DKK2: variants seen among roughly 807,000 people sequenced by gnomAD.
DKK2 encodes dickkopf Wnt signaling pathway inhibitor 2.
DKK2 carries 11 observed loss-of-function variants against 28.1 expected under a neutral mutation model. The observed-to-expected ratio is 0.39, with a 90% CI of 0.25 to 0.65. DKK2 has a LOEUF of 0.65. Ranked by LOEUF, DKK2 falls within the 30% of genes least tolerant of loss-of-function variation. The probability of loss-of-function intolerance (pLI) is 0.47; values close to 1 mark genes in which losing one functional copy is unlikely to be tolerated. For missense variants in DKK2, 326 were observed against 335.5 expected (o/e 0.97, Z 0.22); for synonymous variants, 135 against 126.5 (o/e 1.07, Z -0.45).
chr4:106,941,720 T>A (rs912866591), intron 1 of DKK2, among the ~76,000 whole-genome samples: 1 of 152,132 alleles, frequency 6.6e-6, no homozygotes, highest in African/African-American at 2.4e-5. Context: ...GGGTTAAGCA[T>A]CCTGCTAGAA....
intron 1 of DKK2, among the ~76,000 whole-genome samples, chr4:107,022,483 A>G (rs1723712240): frequency 6.6e-6 from 1 of 152,162 alleles, no homozygotes; most frequent in South Asian, 2.1e-4. Flanking sequence ...AGACTTAAGT[A>G]AGACTGCTTG....
In DKK2 at chr4:106,958,861, A is replaced by G. The variant is rs560429739; in HGVS notation, c.223-32912T>C. ...TCAAAAAAAAAAAAAAAAAAGAAAGAAAGAAAGAAAACATAAAAGAAAAAG... is the reference window on the plus strand; with the variant it reads ...TCAAAAAAAAAAAAAAAAAAGAAAGGAAGAAAGAAAACATAAAAGAAAAAG... On this transcript the variant is annotated intron_variant, in intron 1 of 3. Coordinates refer to ENST00000285311, the MANE Select transcript of DKK2 (RefSeq NM_014421.3). Among the ~76,000 whole-genome samples the G allele has an allele frequency of 2.0e-5, 3 of 151,228 alleles. No individual in the cohort carries two copies. In the East Asian group the frequency reaches 5.8e-4, roughly 29 times the overall value.
intron 1 of DKK2, among the ~76,000 whole-genome samples, chr4:106,977,493 G>C (rs1722962847): frequency 1.3e-5 from 2 of 151,930 alleles, no homozygotes; most frequent in African/African-American, 4.8e-5. Flanking sequence ...TTACTTTGAT[G>C]TTCAATCTCT....
chr4:106,932,598 C>T (rs1041560284), intron 1 of DKK2, among the ~76,000 whole-genome samples: 1 of 152,048 alleles, frequency 6.6e-6, no homozygotes, highest in Non-Finnish European at 1.5e-5. Flanking sequence ...TAGACCCATC[C>T]CCACTCATTT....
intron 1 of DKK2, among the ~76,000 whole-genome samples, chr4:106,945,557 G>C (rs1228019313): frequency 6.6e-6 from 1 of 152,050 alleles, no homozygotes; most frequent in African/African-American, 2.4e-5. Context: ...TCCAACACAA[G>C]TTTGGAGAGC....
intron 1 of DKK2, among the ~76,000 whole-genome samples, chr4:106,933,614 T>G (rs1724533323): frequency 6.6e-6 from 1 of 152,192 alleles, no homozygotes; most frequent in Non-Finnish European, 1.5e-5. Context: ...TGCATTTTCT[T>G]TATATTTTGT....
chr4:106,963,757 T>C (rs1379281724), intron 1 of DKK2, among the ~76,000 whole-genome samples: 1 of 152,198 alleles, frequency 6.6e-6, no homozygotes, highest in Non-Finnish European at 1.5e-5. Context: ...CTATTCATAA[T>C]AGCCAAGATA....
chr4:106,932,517 C>T (rs1313135983), intron 1 of DKK2, among the ~76,000 whole-genome samples: 2 of 152,090 alleles, frequency 1.3e-5, no homozygotes, highest in Admixed American at 6.5e-5. Context: ...TAAACTTTTC[C>T]ATATGGTCTC....
intron 1 of DKK2, among the ~76,000 whole-genome samples, chr4:107,029,029 G>C (rs1307524358): frequency 6.6e-6 from 1 of 152,136 alleles, no homozygotes; most frequent in Non-Finnish European, 1.5e-5. Flanking sequence ...AGGACGGGGG[G>C]CAAGTAGAGG....
At chr4:107,021,880 G>A (rs1723698072) in intron 1 of DKK2, among the ~76,000 whole-genome samples, 1 of 152,046 alleles carries the variant, frequency 6.6e-6, no homozygotes, top group Non-Finnish European at 1.5e-5. Flanking sequence ...GAGGTAGCTT[G>A]CTTGTACCTA....
At position 106,944,657 on chromosome 4, in the gene DKK2, A is replaced by T. The variant is rs956221463; in HGVS notation, c.223-18708T>A. On this transcript the variant is annotated intron_variant, in intron 1 of 3. Coordinates refer to ENST00000285311, the MANE Select transcript of DKK2 (RefSeq NM_014421.3). Reference sequence around the variant, plus strand: ...ATAAGAACTCTACTTTCTAGGTTAAATTTCCTAAGTTACATGTTTACTACA... The same window carrying T: ...ATAAGAACTCTACTTTCTAGGTTAATTTTCCTAAGTTACATGTTTACTACA... Among the ~76,000 whole-genome samples, 4 of 152,090 alleles carry T rather than the reference A, an allele frequency of 2.6e-5. No individual in the cohort carries two copies. The South Asian group carries it at 8.3e-4, about 31-fold the overall frequency.
At chr4:106,998,089 T>C (rs972658621) in intron 1 of DKK2, among the ~76,000 whole-genome samples, 3 of 152,158 alleles carry the variant, frequency 2.0e-5, no homozygotes, top group Non-Finnish European at 4.4e-5. Context: ...TTTGTGAACA[T>C]GTAAGTAGGT....
At chr4:106,940,410 T>C (rs1304330375) in intron 1 of DKK2, among the ~76,000 whole-genome samples, 2 of 151,312 alleles carry the variant, frequency 1.3e-5, no homozygotes, top group Non-Finnish European at 3.0e-5. Context: ...CACAATGAGA[T>C]ACCATCTCAC....
At chr4:106,929,563 T>C (rs1724471884) in intron 1 of DKK2, among the ~76,000 whole-genome samples, 1 of 152,154 alleles carries the variant, frequency 6.6e-6, no homozygotes, top group South Asian at 2.1e-4. Flanking sequence ...ATGAGAACTG[T>C]CAGTGATCAG....
intron 1 of DKK2, among the ~76,000 whole-genome samples, chr4:106,988,106 T>C (rs1054288145): frequency 4.6e-5 from 7 of 152,178 alleles, no homozygotes; most frequent in Admixed American, 2.0e-4. Context: ...CCTCGTGATC[T>C]GCCCACCTTG....
chr4:106,926,177 A>G (rs912087290), intron 1 of DKK2, among the ~76,000 whole-genome samples: 1 of 152,132 alleles, frequency 6.6e-6, no homozygotes, highest in African/African-American at 2.4e-5. Flanking sequence ...CGCTGTTTGT[A>G]TATTTTCATT....
At chr4:106,931,397 A>T (rs1724502619) in intron 1 of DKK2, among the ~76,000 whole-genome samples, 6 of 152,108 alleles carry the variant, frequency 3.9e-5, no homozygotes, top group Non-Finnish European at 8.8e-5. Context: ...AATACAGTCA[A>T]ATGTATTGTC....
chr4:107,015,265 GGAA>G (rs1201050222), intron 1 of DKK2, among the ~76,000 whole-genome samples: 4 of 151,482 alleles, frequency 2.6e-5, no homozygotes, highest in Non-Finnish European at 5.9e-5. Flanking sequence ...GTCATGAAAG[GGAA>G]GATCAGTATC....
chr4:106,982,568 T>A (rs752766689), intron 1 of DKK2, among the ~76,000 whole-genome samples: 2 of 152,222 alleles, frequency 1.3e-5, no homozygotes, highest in East Asian at 1.9e-4. Context: ...ACTAGACCAG[T>A]GAAATTCCAA....
Sources: allele counts gnomAD v4.1 joint callset (sites outside exome capture counted in the v4.1 genomes callset), GRCh38; gene constraint gnomAD v4.1.1; transcripts MANE v1.5; gene names NCBI Gene and HGNC (gene_info 2026-07-23, HGNC 2026-07-21).